Variants in PFKFB3 observed in about 807,000 individuals in gnomAD.
The protein encoded by PFKFB3 is 6-phosphofructo-2-kinase/fructose-2,6-biphosphatase 3, also known as 6-phosphofructo-2-kinase/fructose-2,6-bisphosphatase 3.
PFKFB3 carries 33 observed loss-of-function variants against 68.0 expected under a neutral mutation model. The observed-to-expected ratio is 0.49, with a 90% confidence interval of 0.37 to 0.65. The LOEUF (loss-of-function observed/expected upper bound fraction) is 0.65. Among genes scored for constraint, PFKFB3 ranks in the 30% least tolerant of loss-of-function variants. The probability of loss-of-function intolerance (pLI) is 0.00; values close to 1 mark genes in which losing one functional copy is unlikely to be tolerated. For missense variants in PFKFB3, 586 were observed against 712.2 expected (o/e 0.82, Z 2.02); for synonymous variants, 315 against 288.2 (o/e 1.09, Z -0.94).
Position 6,154,939 on chromosome 10 carries a change from G to A in PFKFB3, c.16+9926G>A, listed in dbSNP as rs1379127473. On this transcript the variant is annotated intron_variant, in intron 1 of 14. Transcript: ENST00000379789. The surrounding 1 kb of genome is among the most constrained non-coding windows in gnomAD (Gnocchi z 4.6). The stretch of plus-strand genomic sequence containing the variant: ...CCTTGGTAGAGGCTGTGAGTGGCCC[G>A]TAGGAGGTCATGGTGACCTCCATGA... Among the ~76,000 whole-genome samples the A allele has an allele frequency of 1.3e-5, 2 of 152,152 alleles. No homozygotes were observed. Among genetic ancestry groups the A allele is most frequent in the African/African-American group, 2.4e-5 (1 of 41,444 alleles).
intron 2 of PFKFB3, 82 bp downstream of exon 2, chr10:6,213,830 C>G: frequency 6.7e-7 from 1 of 1,502,678 alleles, no homozygotes; most frequent in Non-Finnish European, 9.1e-7. Flanking sequence ...ACAGGCAGGA[C>G]CACCCCTGGG....
intron 1 of PFKFB3, among the ~76,000 whole-genome samples, chr10:6,160,814 C>T (rs1276673842): frequency 2.0e-5 from 3 of 150,948 alleles, no homozygotes; most frequent in African/African-American, 4.9e-5. Flanking sequence ...CTTTGTACTA[C>T]TTAAAAATTT....
intron 1 of PFKFB3, among the ~76,000 whole-genome samples, chr10:6,182,144 A>G (rs541708467): frequency 6.6e-6 from 1 of 152,184 alleles, no homozygotes; most frequent in African/African-American, 2.4e-5. Flanking sequence ...TGGCCTCCTC[A>G]GTCTTGGCGG....
chr10:6,315,909 C>T, the PFKFB3 span, among the ~76,000 whole-genome samples: 6,885 of 152,196 alleles, frequency 0.045, 521 homozygotes, highest in African/African-American at 0.16. Context: ...CTGTTGATGA[C>T]AGTATATTTG....
chr10:6,194,489 G>A (rs1843118447), intron 1 of PFKFB3, among the ~76,000 whole-genome samples: 1 of 152,168 alleles, frequency 6.6e-6, no homozygotes, highest in African/African-American at 2.4e-5. Context: ...AACATTTAAG[G>A]GCGAGCACCT....
At chr10:6,165,267 C>A (rs547809703) in intron 1 of PFKFB3, among the ~76,000 whole-genome samples, 3 of 152,352 alleles carry the variant, frequency 2.0e-5, no homozygotes, top group Middle Eastern at 3.4e-3. Flanking sequence ...ACATCCTGCA[C>A]GGCCCTGAAT....
chr10:6,173,676 G>T (rs1230677668), intron 1 of PFKFB3, among the ~76,000 whole-genome samples: 7 of 152,136 alleles, frequency 4.6e-5, no homozygotes, highest in Non-Finnish European at 8.8e-5. Context: ...GATCTGGGGG[G>T]CTAGGTGCAG....
the PFKFB3 span, among the ~76,000 whole-genome samples, chr10:6,306,577 A>G: frequency 6.6e-6 from 1 of 152,250 alleles, no homozygotes; most frequent in African/African-American, 2.4e-5. Flanking sequence ...TACATATTAG[A>G]TATTAAAAAA....
the PFKFB3 span, among the ~76,000 whole-genome samples, chr10:6,279,621 G>T: frequency 6.6e-6 from 1 of 152,104 alleles, no homozygotes; most frequent in Non-Finnish European, 1.5e-5. Flanking sequence ...CCGTCTCTCC[G>T]GTGACCTCCT....
chr10:6,202,919 C>G (rs964686123), upstream of PFKFB3: 7 of 1,186,364 alleles, frequency 5.9e-6, no homozygotes, highest in Non-Finnish European at 6.3e-6. Context: ...GCCGGCGGTG[C>G]GCGGGGCATC....
At chr10:6,186,051 G>T (rs1350156497) in intron 1 of PFKFB3, among the ~76,000 whole-genome samples, 1 of 152,136 alleles carries the variant, frequency 6.6e-6, no homozygotes, top group Admixed American at 6.5e-5. Context: ...GACCCTGGCT[G>T]TCAGAGATAG....
the PFKFB3 span, among the ~76,000 whole-genome samples, chr10:6,262,470 A>AAAG: frequency 3.2e-4 from 10 of 31,724 alleles, 1 homozygote; most frequent in African/African-American, 7.9e-4. Flanking sequence ...AAAAAAAAAA[A>AAAG]AAAAAAAAAG....
At chr10:6,188,945 C>T (rs1163425187) in intron 1 of PFKFB3, among the ~76,000 whole-genome samples, 1 of 151,682 alleles carries the variant, frequency 6.6e-6, no homozygotes. Context: ...CGCCATTCTC[C>T]TGCCTCAGCC....
chr10:6,284,510 T>C, the PFKFB3 span, among the ~76,000 whole-genome samples: 2 of 152,252 alleles, frequency 1.3e-5, no homozygotes. Flanking sequence ...CAGCTTCCTT[T>C]TGATTAGTGT....
chr10:6,324,165 G>A, the PFKFB3 span, among the ~76,000 whole-genome samples: 1 of 152,162 alleles, frequency 6.6e-6, no homozygotes, highest in East Asian at 1.9e-4. Flanking sequence ...GCTACAACAT[G>A]GACGAACCTT....
At chr10:6,213,287 C>T (rs1417039779) in intron 1 of PFKFB3, among the ~76,000 whole-genome samples, 1 of 152,110 alleles carries the variant, frequency 6.6e-6, no homozygotes, top group Non-Finnish European at 1.5e-5. Flanking sequence ...AATCCCAGCA[C>T]TCTGGGAGGA....
intron 1 of PFKFB3, among the ~76,000 whole-genome samples, chr10:6,174,101 A>G (rs994735736): frequency 3.8e-4 from 58 of 151,950 alleles, no homozygotes; most frequent in African/African-American, 1.3e-3. Flanking sequence ...AGAAGGAGTC[A>G]TTAGTCCTTA....
the PFKFB3 span, among the ~76,000 whole-genome samples, chr10:6,309,750 C>T: frequency 1.3e-5 from 2 of 152,026 alleles, no homozygotes; most frequent in Non-Finnish European, 2.9e-5. Flanking sequence ...TCAAAATAAT[C>T]AGGAATGGGG....
intron 13 of PFKFB3, chr10:6,224,764 G>T (rs1845215305): frequency 3.1e-6 from 1 of 321,820 alleles, no homozygotes; most frequent in South Asian, 2.5e-5. Flanking sequence ...TAGGATAAAG[G>T]TGTGAGCCGT....
Sources: gnomAD v4.1 joint callset for allele counts (sites outside exome capture counted in the v4.1 genomes callset) on GRCh38, gnomAD v4.1.1 for gene constraint, Gnocchi (gnomAD v3.1) non-coding constraint, MANE v1.5 for transcripts, NCBI Gene and HGNC (gene_info 2026-07-23, HGNC 2026-07-21) for gene names.